ABCB11: variants seen among roughly 807,000 people sequenced by gnomAD.
ABCB11 encodes the protein ATP binding cassette subfamily B member 11.
In ABCB11, 95 loss-of-function variants were observed where a neutral mutation model predicts 148.0. That is an observed-to-expected ratio of 0.64 (90% CI 0.54 to 0.76). The LOEUF (loss-of-function observed/expected upper bound fraction) is 0.76, where lower values mean the gene tolerates loss of function less well. ABCB11 is among the 30% of genes least tolerant of loss of function. The pLI is 0.00. For missense variants in ABCB11, 1,523 were observed against 1,617.8 expected (o/e 0.94, Z 1.01); for synonymous variants, 591 against 555.4 (o/e 1.06, Z -0.90).
chr2:168,969,452 T>C lies in ABCB11; in HGVS notation c.1909A>G (p.Arg637Gly), dbSNP rs1226183141. ...TCCAGTAATTCTTCATGGGTCCCTC[T>C]TTCCACTGCAGTGCCATGTTCAAAA... ...IGFEHGTAVE[R>G]GTHEELLERK... The change falls in exon 16 of 28, where the codon AGA (arginine) becomes GGA (glycine). Residue 637 changes from arginine (R) to glycine (G), a missense_variant. Transcript: ENST00000650372. The C allele has an allele frequency of 1.9e-6, 3 of 1,612,530 alleles. No homozygotes were observed. The highest frequency in any genetic ancestry group is 2.2e-5 in the South Asian group (2 of 91,030).
At chr2:169,021,766 T>C (rs1043735106) in intron 1 of ABCB11, among the ~76,000 whole-genome samples, 22 of 152,204 alleles carry the variant, frequency 1.4e-4, no homozygotes, top group African/African-American at 5.1e-4. Flanking sequence ...TGTAACACAA[T>C]GTCGATAGAT....
intron 5 of ABCB11, among the ~76,000 whole-genome samples, chr2:169,001,765 T>C (rs751444376): frequency 1.7e-4 from 26 of 152,292 alleles, no homozygotes; most frequent in Non-Finnish European, 3.5e-4. Context: ...GTCTTTTTGG[T>C]CTGCACTCAT....
chr2:168,923,657 A>G lies in ABCB11; in HGVS notation c.3931T>C (p.Tyr1311His). Residue 1311 changes from tyrosine (Y) to histidine (H), a missense_variant, in exon 28 of 28, where the codon TAC (tyrosine) becomes CAC (histidine). Tyr to His is a moderately conservative substitution (Grantham distance 83). Coordinates refer to ENST00000650372, the MANE Select transcript of ABCB11 (RefSeq NM_003742.4). ...EELMAQKGAY[Y>H]KLVTTGSPIS ...GGGGATCCAGTGGTGACTAGTTTGT[A>G]GTAGGCTCCTTTTTGGGCCATCAGT... The G allele has an allele frequency of 2.5e-6, 4 of 1,613,792 alleles. No homozygotes were observed. The highest frequency in any genetic ancestry group is 2.2e-5 in the East Asian group (1 of 44,852).
rs751436200 is a variant in ABCB11, at chr2:168,924,812, A to G, written c.3619-9T>C. On this transcript the variant is annotated splice_polypyrimidine_tract_variant and intron_variant, in intron 26 of 27. Coordinates refer to ENST00000650372, the MANE Select transcript of ABCB11 (RefSeq NM_003742.4). ...ACGTTAGTTTCATATTTCTGAAAAA[A>G]AGTATGATAAGTTTGAGAAATAGAA... 3.1e-6 allele frequency: 5 copies of G among 1,610,124 alleles called. No homozygotes were observed. The highest frequency in any genetic ancestry group is 4.2e-6 in the Non-Finnish European group (5 of 1,177,616).
At chr2:169,014,209 C>G in intron 4 of ABCB11, 94 bp downstream of exon 4, 1 of 1,277,782 alleles carries the variant, frequency 7.8e-7, no homozygotes, top group Non-Finnish European at 1.1e-6. Context: ...AAGTTAAAAA[C>G]CTGCCAATAT....
intron 13 of ABCB11, among the ~76,000 whole-genome samples, chr2:168,972,552 T>C (rs1021378860): frequency 1.3e-5 from 2 of 151,994 alleles, no homozygotes; most frequent in African/African-American, 4.8e-5. Context: ...TCACTATTAG[T>C]AAAAATGTAA....
chr2:169,025,667 T>C (rs1328048740), intron 1 of ABCB11, among the ~76,000 whole-genome samples: 5 of 152,234 alleles, frequency 3.3e-5, no homozygotes, highest in South Asian at 2.1e-4. Context: ...TCTTTCCGAA[T>C]ACCCCTACAA....
chr2:168,985,292 T>C (rs1055717119), intron 10 of ABCB11, among the ~76,000 whole-genome samples: 9 of 152,278 alleles, frequency 5.9e-5, no homozygotes, highest in Admixed American at 2.6e-4. Flanking sequence ...TTCTACACTG[T>C]TGGTGGGAAT....
chr2:168,936,621 T>C (rs948577952), intron 21 of ABCB11, among the ~76,000 whole-genome samples, 188 bp from the exon 22 acceptor site: 4 of 152,200 alleles, frequency 2.6e-5, no homozygotes, highest in African/African-American at 9.6e-5. Flanking sequence ...CACACATCTA[T>C]ACCTAAAGCT....
rs145864514 is a variant in ABCB11 at position 169,007,556 on chromosome 2, A to C, written c.389+5716T>G. Among the ~76,000 whole-genome samples the C allele has an allele frequency of 3.0e-4, 46 of 152,346 alleles. 1 individual carries two copies. In the East Asian group the frequency reaches 8.5e-3, roughly 28 times the overall value. ...ACTGAAAGATGAAGGGGAAGCTGGCACTTCACATGGCCAGAGCCATTAAAA... is the reference window on the plus strand; with the variant it reads ...ACTGAAAGATGAAGGGGAAGCTGGCCCTTCACATGGCCAGAGCCATTAAAA... On this transcript the variant is annotated intron_variant, in intron 5 of 27. Coordinates refer to ENST00000650372, the MANE Select transcript of ABCB11 (RefSeq NM_003742.4).
At chr2:168,973,306 A>G (rs1693675215) in intron 13 of ABCB11, among the ~76,000 whole-genome samples, 1 of 152,012 alleles carries the variant, frequency 6.6e-6, no homozygotes, top group Non-Finnish European at 1.5e-5. Flanking sequence ...GATGGTATAT[A>G]TATATTTCCA....
chr2:169,025,958 G>T (rs971287364), intron 1 of ABCB11, among the ~76,000 whole-genome samples: 2 of 152,114 alleles, frequency 1.3e-5, no homozygotes, highest in Non-Finnish European at 1.5e-5. Flanking sequence ...TAATGTAGTG[G>T]GTATTTGTTC....
intron 11 of ABCB11, 120 bp downstream of exon 11, chr2:168,979,746 A>G: frequency 2.2e-6 from 1 of 460,348 alleles, no homozygotes; most frequent in Non-Finnish European, 4.0e-6. Context: ...TTGCTGAATT[A>G]AGGGCCTTGC....
intron 10 of ABCB11, among the ~76,000 whole-genome samples, chr2:168,982,799 AAG>A (rs1212469740): frequency 6.6e-6 from 1 of 151,406 alleles, no homozygotes; most frequent in Admixed American, 6.6e-5. Context: ...AGAGAGAGAG[AAG>A]AGAGAGAGAG....
chr2:169,030,548 G>A (rs963710100), intron 1 of ABCB11, among the ~76,000 whole-genome samples: 5 of 152,104 alleles, frequency 3.3e-5, no homozygotes, highest in African/African-American at 1.2e-4. Context: ...CCCTCAAAAT[G>A]TTGACAAATA....
At chr2:168,951,737 A>AT (rs1238742028) in intron 19 of ABCB11, among the ~76,000 whole-genome samples, 5 of 151,022 alleles carry the variant, frequency 3.3e-5, no homozygotes, top group South Asian at 2.1e-4. Flanking sequence ...CATGCCTTTT[A>AT]TTTTTTTTCT....
chr2:169,005,036 C>A lies in ABCB11; in HGVS notation c.389+8236G>T, dbSNP rs140531839. ...TTCTTGCAGCTGTGGATAACAGCAC[C>A]TGCACCTGGTGGAGGCAGCAGGGGA... is the stretch of plus-strand genomic sequence containing the variant. On this transcript the variant is annotated intron_variant, in intron 5 of 27. Coordinates refer to ENST00000650372, the MANE Select transcript of ABCB11 (RefSeq NM_003742.4). 2.9e-3 allele frequency among the ~76,000 whole-genome samples: 434 copies of A among 152,184 alleles called. 3 individuals carry two copies. The highest frequency in any genetic ancestry group is 1.0e-2 in the African/African-American group (415 of 41,508).
At chr2:169,012,749 AAAAAAG>A (rs1259265700) in intron 5 of ABCB11, among the ~76,000 whole-genome samples, 13 of 144,426 alleles carry the variant, frequency 9.0e-5, no homozygotes, top group African/African-American at 2.6e-4. Flanking sequence ...AAAAAAAAAA[AAAAAAG>A]AAAAAAGAAA....
Position 168,930,758 on chromosome 2 carries a change from C to T in ABCB11, c.3318G>A (p.Gly1106=), listed in dbSNP as rs1232276620. ...LNGLSVSISP[G]QTLAFVGSSG... is the part of the protein sequence containing the mutation. ...TGCTCCCAACAAACGCCAGTGTCTG[C>T]CCTGGACTAATCGACACTGAGAGAC... The change falls in exon 25 of 28, where the codon GGG becomes GGA. Residue 1106 remains glycine (G), a synonymous_variant. Coordinates refer to ENST00000650372, the MANE Select transcript of ABCB11 (RefSeq NM_003742.4). 1.2e-6 allele frequency: 2 copies of T among 1,613,702 alleles called. No individual in the cohort carries two copies. The highest frequency in any genetic ancestry group is 1.1e-5 in the South Asian group (1 of 90,982).
Sources: allele counts gnomAD v4.1 joint callset (sites outside exome capture counted in the v4.1 genomes callset), GRCh38; gene constraint gnomAD v4.1.1; transcripts MANE v1.5; gene names NCBI Gene and HGNC (gene_info 2026-07-23, HGNC 2026-07-21).